The following PMP22 variants were observed in gnomAD, a reference collection of about 807,000 sequenced individuals.
PMP22 encodes the protein Charcot-Marie-Tooth neuropathy 1A (greatly reduced nerve conduction velocity, hereditary motor sensory neuropathy Ia).
A neutral mutation model predicts 18.9 loss-of-function variants in PMP22; 2 were observed. The observed-to-expected ratio is 0.11, with a 90% confidence interval of 0.04 to 0.33. The LOEUF (loss-of-function observed/expected upper bound fraction) is 0.33, where lower values mean the gene tolerates loss of function less well. Among genes scored for constraint, PMP22 ranks in the 10% least tolerant of loss-of-function variants. PMP22 has a pLI of 1.00. For synonymous variants in PMP22, 95 were observed against 89.2 expected, an observed-to-expected ratio of 1.07 and a Z score of -0.37; for missense variants, 169 against 202.2, an observed-to-expected ratio of 0.84 and a Z score of 1.00.
chr17:15,254,756 G>A (rs919069256), intron 3 of PMP22, among the ~76,000 whole-genome samples: 15 of 152,088 alleles, frequency 9.9e-5, no homozygotes, highest in African/African-American at 3.4e-4. Context: ...TCGGGAGTTC[G>A]AGACCAGCCT....
Position 15,261,229 on chromosome 17 carries a change from G to A in PMP22, c.-34-468C>T, listed in dbSNP as rs76783146. On this transcript the variant is annotated intron_variant, in intron 1 of 4. Coordinates refer to ENST00000312280, the MANE Select transcript of PMP22 (RefSeq NM_000304.4). This position sits in a 1 kb window ranked among gnomAD's most constrained non-coding sequence, Gnocchi z 5.2. ...GAGGGGAGTAGGTGCCCAGATTTCC[G>A]TCTGAGACCTGGAGACAGCCGTGGC... The A allele has an allele frequency of 0.015, 2,343 of 153,490 alleles. 42 individuals carry two copies. The highest frequency in any genetic ancestry group is 0.024 in the Non-Finnish European group (1,685 of 69,056). 9.5% of individuals were successfully genotyped at this position (153,490 alleles called of 1,614,324 possible). A position where few individuals can be genotyped will look rare whatever the true frequency, so the allele number is the denominator to read the frequency against.
At chr17:15,253,642 G>A (rs1908561814) in intron 3 of PMP22, among the ~76,000 whole-genome samples, 1 of 152,020 alleles carries the variant, frequency 6.6e-6, no homozygotes, top group South Asian at 2.1e-4. Context: ...GATGGTCTGT[G>A]ATTCTACTTA....
chr17:15,239,451 C>T lies in PMP22; in HGVS notation c.319+20G>A. On this transcript the variant is annotated intron_variant, in intron 4 of 4. Transcript: ENST00000312280. ...TGGATGCACCCCGCTTCCACATGGA[C>T]TTTACCATCCACAACTTACCAGCAA... 6.2e-7 allele frequency: 1 copy of T among 1,614,160 alleles called. No individual in the cohort carries two copies. The highest frequency in any genetic ancestry group is 1.6e-4 in the Middle Eastern group (1 of 6,062).
At position 15,252,916 on chromosome 17, in the gene PMP22, T is replaced by A. The variant is rs550234372; in HGVS notation, c.178+6178A>T. 1.2e-4 allele frequency among the ~76,000 whole-genome samples: 18 copies of A among 152,308 alleles called. No individual in the cohort carries two copies. In the East Asian group the frequency reaches 3.1e-3, roughly 26 times the overall value. ...GCTCCCAAGCCGCCTGTGGCTTAATTCCAGTATTCTGACCCATTCTGCTAC... is the reference window on the plus strand; with the variant it reads ...GCTCCCAAGCCGCCTGTGGCTTAATACCAGTATTCTGACCCATTCTGCTAC... On this transcript the variant is annotated intron_variant, in intron 3 of 4. Transcript: ENST00000312280.
Position 15,230,368 on chromosome 17 carries a change from T to C in PMP22, c.*549A>G, listed in dbSNP as rs970633285. 5 of 147,118 alleles carry C rather than the reference T, an allele frequency of 3.4e-5. No homozygotes were observed. Among genetic ancestry groups the C allele is most frequent in the African/African-American group, 1.2e-4 (5 of 40,356 alleles). The allele number at this position is 147,118 out of a possible 1,614,324, so 9.1% of individuals were successfully genotyped here. Reference sequence around the variant, plus strand: ...GGCTCCAGTTTGGGCATTTTGTCCGTGTGCGCGTAAAGCTTCACACAGAGG... The same window carrying C: ...GGCTCCAGTTTGGGCATTTTGTCCGCGTGCGCGTAAAGCTTCACACAGAGG... On this transcript the variant is annotated 3_prime_UTR_variant, in exon 5 of 5. Transcript: ENST00000312280.
At chr17:15,253,304 C>G (rs1032383071) in intron 3 of PMP22, among the ~76,000 whole-genome samples, 1 of 152,140 alleles carries the variant, frequency 6.6e-6, no homozygotes, top group East Asian at 1.9e-4. Context: ...AATTTTCTAA[C>G]ATAAAATGTT....
intron 3 of PMP22, among the ~76,000 whole-genome samples, chr17:15,257,592 G>T (rs1908952620): frequency 6.6e-6 from 1 of 152,206 alleles, no homozygotes; most frequent in African/African-American, 2.4e-5. Context: ...ACCCTAAAGG[G>T]GGAGAAACCG....
At chr17:15,262,758 A>G (rs1909448135) in intron 1 of PMP22, among the ~76,000 whole-genome samples, 1 of 152,124 alleles carries the variant, frequency 6.6e-6, no homozygotes, top group East Asian at 1.9e-4. Context: ...GGCGACTTTT[A>G]CTCGAAACCA....
In PMP22 at chr17:15,237,509, A is replaced by T. The variant is rs1472327774; in HGVS notation, c.319+1962T>A. 2.0e-5 allele frequency among the ~76,000 whole-genome samples: 3 copies of T among 152,220 alleles called. No homozygotes were observed. The East Asian group carries it at 5.8e-4, about 29-fold the overall frequency. On this transcript the variant is annotated intron_variant, in intron 4 of 4. Transcript: ENST00000312280. Reference sequence around the variant, plus strand: ...CACAGATGTTTGGAACTTCAGAATAATACATGGTGCAAATTTGCATTTACC... The same window carrying T: ...CACAGATGTTTGGAACTTCAGAATATTACATGGTGCAAATTTGCATTTACC...
At chr17:15,251,501 A>C (rs1420788984) in intron 3 of PMP22, 1 of 154,252 alleles carries the variant, frequency 6.5e-6, no homozygotes, top group African/African-American at 2.4e-5. Flanking sequence ...CTTCAAAAAC[A>C]AAAGAGGCTC....
chr17:15,260,847 G>C (rs976173700), intron 1 of PMP22, 86 bp from the exon 2 acceptor site: 4 of 956,126 alleles, frequency 4.2e-6, no homozygotes, highest in Non-Finnish European at 6.5e-6. Flanking sequence ...GCGCACTAGC[G>C]GAAGGCCCGG....
chr17:15,245,733 C>T (rs1033902297), intron 3 of PMP22, among the ~76,000 whole-genome samples: 2 of 151,960 alleles, frequency 1.3e-5, no homozygotes, highest in Admixed American at 6.6e-5. Flanking sequence ...ACAGGCCGGG[C>T]GCAGTGGGTC....
At chr17:15,250,766 G>T (rs1186373351) in intron 3 of PMP22, among the ~76,000 whole-genome samples, 1 of 152,154 alleles carries the variant, frequency 6.6e-6, no homozygotes, top group South Asian at 2.1e-4. Context: ...TTCTTGTGAG[G>T]ATTAAATGCA....
At chr17:15,237,357 C>T (rs893286264) in intron 4 of PMP22, among the ~76,000 whole-genome samples, 7 of 152,298 alleles carry the variant, frequency 4.6e-5, no homozygotes, top group Non-Finnish European at 1.5e-5. Flanking sequence ...AAAGCCGAAA[C>T]AGCTCAGCAG....
At chr17:15,257,116 A>G (rs1908902415) in intron 3 of PMP22, among the ~76,000 whole-genome samples, 1 of 152,204 alleles carries the variant, frequency 6.6e-6, no homozygotes, top group African/African-American at 2.4e-5. Flanking sequence ...CACACTAAGG[A>G]GGCATTGTAA....
intron 3 of PMP22, among the ~76,000 whole-genome samples, chr17:15,242,716 AATAG>A (rs1907458063): frequency 6.6e-6 from 1 of 152,334 alleles, no homozygotes; most frequent in East Asian, 1.9e-4. Flanking sequence ...AATCTGTCCT[AATAG>A]ATGTATAGAA....
rs757027432 is a variant in PMP22 at position 15,231,016 on chromosome 17, C to T, written c.384G>A (p.Ser128=). 4.3e-6 allele frequency: 7 copies of T among 1,614,000 alleles called. No individual in the cohort carries two copies. Among genetic ancestry groups the T allele is most frequent in the African/African-American group, 4.0e-5 (3 of 74,924 alleles). ...TGTAGGCGAAACCGTAGGAGTAATCCGAGTTGAGATGCCACTCCGGGTGCC... is the reference window on the plus strand; with the variant it reads ...TGTAGGCGAAACCGTAGGAGTAATCTGAGTTGAGATGCCACTCCGGGTGCC... ...TVRHPEWHLN[S]DYSYGFAYIL... Residue 128 remains serine (S), a synonymous_variant, in exon 5 of 5, where the codon TCG becomes TCA. Coordinates refer to ENST00000312280, the MANE Select transcript of PMP22 (RefSeq NM_000304.4).
intron 2 of PMP22, 81 bp from the exon 3 acceptor site, chr17:15,259,274 T>A (rs1406321410): frequency 1.7e-5 from 19 of 1,098,340 alleles, no homozygotes; most frequent in Non-Finnish European, 2.5e-5. Context: ...GGCCCAGGGA[T>A]GGCGAAAAGC....
At chr17:15,256,882 TGCC>T (rs1908879995) in intron 3 of PMP22, among the ~76,000 whole-genome samples, 1 of 152,230 alleles carries the variant, frequency 6.6e-6, no homozygotes, top group Non-Finnish European at 1.5e-5. Flanking sequence ...TAGCAAGTGC[TGCC>T]ACGTTGGGGA....
Sources: allele counts gnomAD v4.1 joint callset (sites outside exome capture counted in the v4.1 genomes callset), GRCh38; gene constraint gnomAD v4.1.1; non-coding constraint Gnocchi (gnomAD v3.1); transcripts MANE v1.5; gene names NCBI Gene and HGNC (gene_info 2026-07-23, HGNC 2026-07-21).